Variants in SHISAL2A observed in about 807,000 individuals in gnomAD.
SHISAL2A encodes protein shisa-like-2A.
A neutral mutation model predicts 11.5 loss-of-function variants in SHISAL2A; 18 were observed. The ratio of observed to expected loss-of-function variants is 1.57; its 90% CI spans 1.08 to 2.33. The LOEUF (loss-of-function observed/expected upper bound fraction) is 2.33. Among genes scored for constraint, SHISAL2A ranks in the 30% most tolerant of loss-of-function variants. SHISAL2A has a pLI of 0.00. For missense variants in SHISAL2A, 261 were observed against 250.9 expected (o/e 1.04, Z -0.27); for synonymous variants, 94 against 99.6 (o/e 0.94, Z 0.34).
intron 1 of SHISAL2A, among the ~76,000 whole-genome samples, chr1:52,638,657 G>A (rs1361688157): frequency 3.3e-5 from 5 of 152,194 alleles, no homozygotes; most frequent in Non-Finnish European, 7.3e-5. Flanking sequence ...AACAATGGGT[G>A]TATTACCAAG....
intron 4 of SHISAL2A, among the ~76,000 whole-genome samples, chr1:52,666,190 G>A (rs775037809): frequency 4.6e-5 from 7 of 152,118 alleles, no homozygotes; most frequent in Non-Finnish European, 8.8e-5. Context: ...GGTGGCTCAC[G>A]CCTGTAATCC....
intron 2 of SHISAL2A, among the ~76,000 whole-genome samples, chr1:52,651,927 T>A (rs1251548766): frequency 6.6e-6 from 1 of 152,136 alleles, no homozygotes; most frequent in Non-Finnish European, 1.5e-5. Flanking sequence ...TAGTAACAGA[T>A]CTAGAGAGGT....
rs186287827 is a variant in SHISAL2A at position 52,662,437 on chromosome 1, C to T, written n.695+2857C>T. 2.5e-3 allele frequency among the ~76,000 whole-genome samples: 385 copies of T among 151,984 alleles called. 2 individuals are homozygous for T. The highest frequency in any genetic ancestry group is 8.9e-3 in the African/African-American group (369 of 41,462). On this transcript the variant is annotated intron_variant and non_coding_transcript_variant, in intron 4 of 5. Coordinates refer to the SHISAL2A transcript ENST00000401050. ...TCAGCTCACTGCAACCTCCACCTCC[C>T]GGGTTCAAGTGATTCTCCTGCCTCA...
chr1:52,644,010 G>T (rs1691435292), intron 2 of SHISAL2A, among the ~76,000 whole-genome samples: 1 of 152,168 alleles, frequency 6.6e-6, no homozygotes, highest in Non-Finnish European at 1.5e-5. Flanking sequence ...GGTAGCCAAT[G>T]CTCAAAATAG....
chr1:52,654,981 A>G (rs1324102053), intron 2 of SHISAL2A, among the ~76,000 whole-genome samples: 2 of 152,046 alleles, frequency 1.3e-5, no homozygotes, highest in East Asian at 3.9e-4. Flanking sequence ...TCAGGAGTTC[A>G]AGACAAGCCT....
At chr1:52,668,325 A>G (rs568001615) in intron 5 of SHISAL2A, among the ~76,000 whole-genome samples, 41 of 152,280 alleles carry the variant, frequency 2.7e-4, no homozygotes, top group African/African-American at 8.2e-4. Flanking sequence ...ACAGGTAGGT[A>G]CTGGGAAATT....
At chr1:52,661,753 C>T (rs199862728), downstream of SHISAL2A, among the ~76,000 whole-genome samples, 4 of 152,062 alleles carry the variant, frequency 2.6e-5, no homozygotes, top group East Asian at 1.9e-4. Flanking sequence ...AGAATACGGC[C>T]GGGCATGGTG....
downstream of SHISAL2A, among the ~76,000 whole-genome samples, chr1:52,660,562 C>T (rs1004897795): frequency 3.3e-5 from 5 of 152,160 alleles, no homozygotes; most frequent in South Asian, 2.1e-4. Context: ...ATTGCTTTCC[C>T]GGTTATGTTC....
chr1:52,637,410 A>G (rs947471659), intron 1 of SHISAL2A, among the ~76,000 whole-genome samples: 2 of 152,180 alleles, frequency 1.3e-5, no homozygotes, highest in Non-Finnish European at 1.5e-5. Context: ...TCAGTCCTTA[A>G]AAACTTCAAA....
intron 4 of SHISAL2A, among the ~76,000 whole-genome samples, chr1:52,662,641 G>GC (rs148234950): frequency 0.019 from 2,865 of 151,158 alleles, 90 homozygotes; most frequent in African/African-American, 0.067. Flanking sequence ...GTGAGGTACC[G>GC]CCCCCCCACC....
chr1:52,633,115 C>T (rs1349130689), upstream of SHISAL2A, among the ~76,000 whole-genome samples: 1 of 152,198 alleles, frequency 6.6e-6, no homozygotes, highest in Admixed American at 6.5e-5. This position sits in a 1 kb window ranked among gnomAD's most constrained non-coding sequence, Gnocchi z 6.4. Context: ...GCGCACCCAG[C>T]GCCCTCGTGC....
At chr1:52,663,006 T>C (rs1204302403) in intron 4 of SHISAL2A, among the ~76,000 whole-genome samples, 1 of 152,150 alleles carries the variant, frequency 6.6e-6, no homozygotes, top group East Asian at 1.9e-4. Flanking sequence ...AGTAGGGAGC[T>C]TCATTGTGAA....
Position 52,633,629 on chromosome 1 carries a change from C to T in SHISAL2A, c.136C>T (p.Pro46Ser), listed in dbSNP as rs1241322300. Residue 46 changes from proline (P) to serine (S), a missense_variant, in exon 1 of 3, where the codon CCG becomes TCG. Coordinates refer to ENST00000517870, the MANE Select transcript of SHISAL2A (RefSeq NM_001042693.3). This position sits in a 1 kb window ranked among gnomAD's most constrained non-coding sequence, Gnocchi z 6.4. ...FRDHKYCCDD[P>S]HSFFPYEHSY... is the part of the protein sequence containing the mutation. ...CGACCACAAGTACTGCTGCGACGACCCGCACAGCTTCTTCCCCTACGAGCA... is the reference window on the plus strand; with the variant it reads ...CGACCACAAGTACTGCTGCGACGACTCGCACAGCTTCTTCCCCTACGAGCA... 1.9e-6 allele frequency: 3 copies of T among 1,613,208 alleles called. No homozygotes were observed. Among genetic ancestry groups the T allele is most frequent in the Admixed American group, 3.3e-5 (2 of 59,934 alleles).
intron 4 of SHISAL2A, among the ~76,000 whole-genome samples, chr1:52,664,895 C>T (rs1217302167): frequency 1.3e-5 from 2 of 151,910 alleles, no homozygotes; most frequent in East Asian, 3.9e-4. Flanking sequence ...CATAAGTGAT[C>T]CTCCTGCCTC....
chr1:52,642,981 G>A lies in SHISAL2A; in HGVS notation c.301G>A (p.Gly101Ser), dbSNP rs769852572. Residue 101 changes from glycine to serine, a missense_variant, in exon 2 of 3, where the codon GGC becomes AGC. Physicochemically the swap from Gly to Ser is moderately conservative, Grantham distance 56. Transcript: ENST00000517870. ...SSKPHTKLDL[G>S]LSLQTAGPEE... is the part of the protein sequence containing the mutation. ...TAAGCCCCACACAAAGTTGGACCTG[G>A]GCTTGAGCTTACAGACAGCAGGTAA... 1.2e-6 allele frequency: 2 copies of A among 1,614,000 alleles called. No individual in the cohort carries two copies. The highest frequency in any genetic ancestry group is 3.3e-5 in the Admixed American group (2 of 59,990).
chr1:52,639,743 A>T (rs1227404917), intron 1 of SHISAL2A, among the ~76,000 whole-genome samples: 2 of 152,096 alleles, frequency 1.3e-5, no homozygotes, highest in African/African-American at 2.4e-5. Context: ...ACAGAGTGAG[A>T]CTCCATCTCA....
intron 4 of SHISAL2A, among the ~76,000 whole-genome samples, chr1:52,665,006 C>G (rs1299394936): frequency 1.3e-5 from 2 of 152,172 alleles, no homozygotes; most frequent in East Asian, 3.9e-4. Context: ...CCAGGCTGGT[C>G]TCGAACTCCC....
chr1:52,657,079 T>G, downstream of SHISAL2A: 1 of 1,536,128 alleles, frequency 6.5e-7, no homozygotes. Context: ...CCTTCTGGAG[T>G]CTCTTCAGTG....
At chr1:52,643,501 C>T (rs1045407344) in intron 2 of SHISAL2A, among the ~76,000 whole-genome samples, 1 of 152,056 alleles carries the variant, frequency 6.6e-6, no homozygotes, top group Non-Finnish European at 1.5e-5. Flanking sequence ...TAAAGTGTTG[C>T]TTTTTCACAA....
Sources: allele counts gnomAD v4.1 joint callset (sites outside exome capture counted in the v4.1 genomes callset), GRCh38; gene constraint gnomAD v4.1.1; non-coding constraint Gnocchi (gnomAD v3.1); transcripts MANE v1.5; gene names NCBI Gene and HGNC (gene_info 2026-07-23, HGNC 2026-07-21).